Variants in EPS15 observed in about 807,000 individuals in gnomAD.
EPS15 encodes epidermal growth factor receptor pathway substrate 15, also known as epidermal growth factor receptor substrate 15.
A neutral mutation model predicts 113.8 loss-of-function variants in EPS15; 72 were observed. That is an observed-to-expected ratio of 0.63 (90% CI 0.52 to 0.77). EPS15 has a LOEUF of 0.77. Among genes scored for constraint, EPS15 ranks in the 30% least tolerant of loss-of-function variants. EPS15 has a pLI of 0.00. For missense variants in EPS15, 1,048 were observed against 1,045.8 expected (o/e 1.00, Z -0.03); for synonymous variants, 344 against 363.4 (o/e 0.95, Z 0.61).
At chr1:51,444,827 A>C in intron 11 of EPS15, 62 bp downstream of exon 11, 1 of 1,447,238 alleles carries the variant, frequency 6.9e-7, no homozygotes, top group Non-Finnish European at 9.6e-7. Context: ...TGAATCTGTA[A>C]TTCGACATAG....
intron 12 of EPS15, among the ~76,000 whole-genome samples, chr1:51,437,758 C>T (rs56251532): frequency 0.03 from 4,575 of 152,182 alleles, 77 homozygotes; most frequent in African/African-American, 0.05. Flanking sequence ...ACTGGGATTA[C>T]AGGCATCAGC....
intron 15 of EPS15, among the ~76,000 whole-genome samples, chr1:51,407,560 G>A (rs1236496515): frequency 6.6e-6 from 1 of 152,042 alleles, no homozygotes; most frequent in Non-Finnish European, 1.5e-5. Context: ...TGGAAATAAA[G>A]CAAAGGATCT....
intron 20 of EPS15, among the ~76,000 whole-genome samples, chr1:51,398,210 C>T (rs986570019): frequency 3.3e-5 from 5 of 152,220 alleles, no homozygotes; most frequent in East Asian, 1.9e-4. Flanking sequence ...CCCACCACCG[C>T]GCCTGGCTAA....
intron 5 of EPS15, 78 bp downstream of exon 5, chr1:51,468,395 T>C (rs1655003309): frequency 1.9e-6 from 2 of 1,060,896 alleles, no homozygotes; most frequent in South Asian, 2.6e-5. Flanking sequence ...CCTTTTAATA[T>C]ATTACTTTTA....
At chr1:51,377,238 T>C (rs12130317) in intron 21 of EPS15, among the ~76,000 whole-genome samples, 10,625 of 152,228 alleles carry the variant, frequency 0.07, 511 homozygotes, top group Non-Finnish European at 0.1. Context: ...CACTCCAGCC[T>C]GGGCAACAAG....
intron 8 of EPS15, among the ~76,000 whole-genome samples, chr1:51,459,458 T>C (rs1175455407): frequency 6.6e-6 from 1 of 152,066 alleles, no homozygotes; most frequent in Non-Finnish European, 1.5e-5. Context: ...ATTGCGCCAC[T>C]GCACTCCATA....
chr1:51,366,973 C>G (rs897583165), intron 21 of EPS15, among the ~76,000 whole-genome samples: 1 of 152,046 alleles, frequency 6.6e-6, no homozygotes, highest in Non-Finnish European at 1.5e-5. Context: ...TATACCAAGT[C>G]TGAGAAAATA....
chr1:51,377,855 A>G (rs1387360167), intron 21 of EPS15, among the ~76,000 whole-genome samples: 2 of 151,924 alleles, frequency 1.3e-5, no homozygotes, highest in African/African-American at 4.8e-5. Context: ...CTCCACCACC[A>G]AGAAGATTAC....
intron 21 of EPS15, among the ~76,000 whole-genome samples, chr1:51,384,843 G>T (rs1417537287): frequency 6.6e-6 from 1 of 152,094 alleles, no homozygotes; most frequent in Non-Finnish European, 1.5e-5. Flanking sequence ...ACAAACAATG[G>T]AAAAAGGACG....
intron 2 of EPS15, among the ~76,000 whole-genome samples, chr1:51,477,048 C>T (rs957946332): frequency 3.3e-5 from 5 of 152,158 alleles, no homozygotes; most frequent in Non-Finnish European, 5.9e-5. Flanking sequence ...CCTCTTTGTA[C>T]CTCTGGTAGA....
At chr1:51,486,840 T>A (rs1036775512) in intron 1 of EPS15, among the ~76,000 whole-genome samples, 1 of 152,028 alleles carries the variant, frequency 6.6e-6, no homozygotes, top group African/African-American at 2.4e-5. Context: ...TGTGTGTGTG[T>A]GTATTTTTAG....
intron 8 of EPS15, among the ~76,000 whole-genome samples, chr1:51,448,347 C>A (rs569855361): frequency 3.1e-4 from 47 of 152,084 alleles, no homozygotes; most frequent in Non-Finnish European, 5.9e-4. Context: ...GGAAGATATC[C>A]TTAGTAAAAA....
intron 21 of EPS15, chr1:51,373,028 T>C (rs1017694319): frequency 3.8e-5 from 9 of 237,930 alleles, no homozygotes; most frequent in Middle Eastern, 1.1e-3. Flanking sequence ...CAAATGGCAG[T>C]GGGGTACTCT....
At chr1:51,504,998 G>A (rs1215938061) in intron 1 of EPS15, among the ~76,000 whole-genome samples, 11 of 152,064 alleles carry the variant, frequency 7.2e-5, no homozygotes, top group Admixed American at 7.2e-4. Context: ...GTATATACCT[G>A]TAGTCCCAGC....
At chr1:51,458,694 G>C (rs1413589457) in intron 8 of EPS15, 1 of 314,680 alleles carries the variant, frequency 3.2e-6, no homozygotes. Context: ...CTGAGATCCC[G>C]CCACTGCACT....
At chr1:51,426,983 A>G (rs1194262318) in intron 12 of EPS15, among the ~76,000 whole-genome samples, 2 of 151,582 alleles carry the variant, frequency 1.3e-5, no homozygotes, top group Admixed American at 1.3e-4. Context: ...TACTCTTCCA[A>G]TTATATAGGG....
At chr1:51,454,382 T>C (rs908334042) in intron 8 of EPS15, among the ~76,000 whole-genome samples, 2 of 151,072 alleles carry the variant, frequency 1.3e-5, no homozygotes, top group Non-Finnish European at 3.0e-5. Flanking sequence ...GAGAATAGAG[T>C]AGGAAAAGGG....
intron 8 of EPS15, chr1:51,459,183 A>C (rs547178948): frequency 6.6e-6 from 1 of 152,390 alleles, no homozygotes; most frequent in Non-Finnish European, 1.5e-5. Context: ...AAAAATAAGG[A>C]CAAAGAGAAA....
At chr1:51,357,901 G>A (rs1035493973) in intron 24 of EPS15, among the ~76,000 whole-genome samples, 13 of 151,724 alleles carry the variant, frequency 8.6e-5, no homozygotes, top group Non-Finnish European at 8.8e-5. Flanking sequence ...CACCACGCCC[G>A]GCTAATCCTG....
Sources: gnomAD v4.1 joint callset for allele counts (sites outside exome capture counted in the v4.1 genomes callset) on GRCh38, gnomAD v4.1.1 for gene constraint, MANE v1.5 for transcripts, NCBI Gene and HGNC (gene_info 2026-07-23, HGNC 2026-07-21) for gene names.